The following ELMO1 variants were observed in gnomAD, a reference collection of about 807,000 sequenced individuals.
ELMO1 encodes engulfment and cell motility protein 1.
ELMO1 carries 26 observed loss-of-function variants against 98.9 expected under a neutral mutation model. That is an observed-to-expected ratio of 0.26 (90% confidence interval 0.19 to 0.36). ELMO1 has a LOEUF of 0.36. ELMO1 is among the 10% of genes least tolerant of loss of function. The pLI is 1.00. For missense variants in ELMO1, 627 were observed against 935.2 expected, an observed-to-expected ratio of 0.67 and a Z score of 4.30; for synonymous variants, 346 against 346.0, an observed-to-expected ratio of 1.00 and a Z score of 0.00.
chr7:37,279,283 C>G (rs1388943564), intron 4 of ELMO1, among the ~76,000 whole-genome samples: 1 of 152,150 alleles, frequency 6.6e-6, no homozygotes, highest in Non-Finnish European at 1.5e-5. Flanking sequence ...AATGGGGAGA[C>G]GTGGCTCTAA....
intron 15 of ELMO1, among the ~76,000 whole-genome samples, chr7:37,018,621 T>A (rs1276368339): frequency 4.6e-5 from 7 of 151,896 alleles, no homozygotes; most frequent in African/African-American, 1.7e-4. Flanking sequence ...GGACTACAGG[T>A]GCACGACACC....
intron 1 of ELMO1, among the ~76,000 whole-genome samples, chr7:37,444,347 A>G (rs1204438136): frequency 6.6e-6 from 1 of 152,230 alleles, no homozygotes. Context: ...AAACTTGGTG[A>G]GAAAAGGGGA....
intron 15 of ELMO1, among the ~76,000 whole-genome samples, chr7:37,091,956 C>G (rs1244690376): frequency 1.3e-5 from 2 of 152,220 alleles, no homozygotes; most frequent in African/African-American, 4.8e-5. Flanking sequence ...TGGGTCCCTC[C>G]TATAACACGT....
chr7:37,265,701 T>G (rs58729102), intron 5 of ELMO1, among the ~76,000 whole-genome samples: 3,094 of 152,120 alleles, frequency 0.02, 106 homozygotes, highest in East Asian at 0.1. Flanking sequence ...TTGAAACACT[T>G]TGCTCACCTG....
At chr7:36,943,463 T>C (rs1171446077) in intron 16 of ELMO1, among the ~76,000 whole-genome samples, 1 of 152,228 alleles carries the variant, frequency 6.6e-6, no homozygotes, top group African/African-American at 2.4e-5. Flanking sequence ...TCTTCAGTCA[T>C]GAGAGGCTCT....
intron 8 of ELMO1, among the ~76,000 whole-genome samples, chr7:37,230,697 C>T (rs892270091): frequency 1.3e-5 from 2 of 152,202 alleles, no homozygotes; most frequent in African/African-American, 2.4e-5. Flanking sequence ...TCATAACAGA[C>T]AAGCCGGGCA....
intron 15 of ELMO1, among the ~76,000 whole-genome samples, chr7:37,050,512 C>T (rs1365019893): frequency 6.6e-6 from 1 of 151,876 alleles, no homozygotes; most frequent in African/African-American, 2.4e-5. Flanking sequence ...GGAGTGCACG[C>T]AAATCTGGGG....
At chr7:37,293,518 C>A (rs1450947974) in intron 4 of ELMO1, among the ~76,000 whole-genome samples, 1 of 105,744 alleles carries the variant, frequency 9.5e-6, no homozygotes, top group Admixed American at 1.0e-4. Flanking sequence ...TGCTTGAAGG[C>A]AGCATGCTCC....
At chr7:37,437,785 A>C (rs1322697850) in intron 1 of ELMO1, among the ~76,000 whole-genome samples, 1 of 26,964 alleles carries the variant, frequency 3.7e-5, no homozygotes, top group Non-Finnish European at 8.7e-5. Flanking sequence ...CTGGCTAACA[A>C]GGTGAAACCC....
intron 4 of ELMO1, among the ~76,000 whole-genome samples, chr7:37,288,977 T>C (rs1052682667): frequency 6.6e-6 from 1 of 152,196 alleles, no homozygotes; most frequent in African/African-American, 2.4e-5. Flanking sequence ...ATTTTCCTCA[T>C]AGCTCTTACC....
At chr7:36,975,326 G>T (rs375007160) in intron 16 of ELMO1, among the ~76,000 whole-genome samples, 2 of 152,108 alleles carry the variant, frequency 1.3e-5, no homozygotes, top group African/African-American at 4.8e-5. Context: ...ACAAATATTA[G>T]CCAGGCATGG....
intron 5 of ELMO1, among the ~76,000 whole-genome samples, chr7:37,267,298 C>T (rs765204630): frequency 6.6e-6 from 1 of 152,270 alleles, no homozygotes; most frequent in Admixed American, 6.5e-5. Flanking sequence ...CTCGGCAGCA[C>T]GTATCACATT....
At chr7:37,300,870 A>G (rs1798304972) in intron 4 of ELMO1, among the ~76,000 whole-genome samples, 2 of 152,166 alleles carry the variant, frequency 1.3e-5, no homozygotes. Flanking sequence ...TACCTCTGGT[A>G]GAATTCAGCT....
intron 1 of ELMO1, among the ~76,000 whole-genome samples, chr7:37,395,415 T>G (rs1366446717): frequency 1.4e-5 from 2 of 146,992 alleles, no homozygotes; most frequent in Admixed American, 1.4e-4. Flanking sequence ...CCTCTCTCAA[T>G]GCCACCTACC....
intron 17 of ELMO1, among the ~76,000 whole-genome samples, chr7:36,893,785 T>C (rs1338419914): frequency 6.6e-6 from 1 of 152,108 alleles, no homozygotes; most frequent in Non-Finnish European, 1.5e-5. Context: ...GACCTGCCTA[T>C]CCTAGCCTTT....
chr7:37,378,576 C>A (rs1267762228), intron 1 of ELMO1, among the ~76,000 whole-genome samples: 2 of 151,830 alleles, frequency 1.3e-5, no homozygotes, highest in Non-Finnish European at 2.9e-5. Flanking sequence ...TTAAAAATTC[C>A]TACTGCCGTG....
chr7:37,244,521 T>C, intron 6 of ELMO1, 130 bp from the exon 7 acceptor site: 1 of 886,682 alleles, frequency 1.1e-6, no homozygotes, highest in Non-Finnish European at 1.7e-6. Context: ...TAAAAGAATT[T>C]TATCCATTTC....
intron 13 of ELMO1, chr7:37,204,139 TGGCGATG>T (rs1361576995): frequency 1.1e-5 from 5 of 456,390 alleles, no homozygotes; most frequent in Non-Finnish European, 2.2e-5. Flanking sequence ...TCTCACCGCC[TGGCGATG>T]GGCGATGGTC....
chr7:37,254,019 G>A (rs1306812646), intron 6 of ELMO1, among the ~76,000 whole-genome samples: 1 of 152,134 alleles, frequency 6.6e-6, no homozygotes, highest in African/African-American at 2.4e-5. Flanking sequence ...GAGAAGCCAG[G>A]ATTTCTTATA....
Sources: gnomAD v4.1 joint callset for allele counts (sites outside exome capture counted in the v4.1 genomes callset) on GRCh38, gnomAD v4.1.1 for gene constraint, MANE v1.5 for transcripts, NCBI Gene and HGNC (gene_info 2026-07-23, HGNC 2026-07-21) for gene names.